ATP6V1B2: variants seen among roughly 807,000 people sequenced by gnomAD.
ATP6V1B2 encodes ATPase H+ transporting V1 subunit B2.
In ATP6V1B2, 23 loss-of-function variants were observed where a neutral mutation model predicts 66.7. The observed-to-expected ratio is 0.34, with a 90% CI of 0.25 to 0.49. The LOEUF (loss-of-function observed/expected upper bound fraction) is 0.49. ATP6V1B2 is among the 20% of genes least tolerant of loss of function. ATP6V1B2 has a pLI of 0.99. For missense variants in ATP6V1B2, 478 were observed against 650.8 expected, an observed-to-expected ratio of 0.73 and a Z score of 2.89; for synonymous variants, 278 against 236.7, an observed-to-expected ratio of 1.17 and a Z score of -1.60.
At chr8:20,214,037 T>A (rs1027832186) in intron 9 of ATP6V1B2, 1 of 152,230 alleles carries the variant, frequency 6.6e-6, no homozygotes. Flanking sequence ...TATCTTGCTT[T>A]CTGTGTGATC....
rs1479699892 is a variant in ATP6V1B2, at chr8:20,211,748, A to C, written c.700A>C (p.Met234Leu). The C allele has an allele frequency of 6.2e-7, 1 of 1,601,298 alleles. No individual in the cohort carries two copies. The highest frequency in any genetic ancestry group is 1.4e-5 in the African/African-American group (1 of 72,152). The change falls in exon 7 of 14, where the codon ATG becomes CTG. Residue 234 changes from methionine (M) to leucine (L), a missense_variant. Met to Leu is a conservative substitution (Grantham distance 15, BLOSUM62 2). Around this residue, in one of 2 missense-constraint regions of ATP6V1B2, gnomAD observed 326 missense variants for 545.6 expected, o/e 0.60. Transcript: ENST00000276390. ...EENFAIVFAA[M>L]GVNMETARFF... ...AAATTTTGCAATTGTATTTGCTGCT[A>C]TGGGTGTAAGTAGAATTTTTGTTTT... is the stretch of plus-strand genomic sequence containing the variant.
intron 11 of ATP6V1B2, 188 bp downstream of exon 11, chr8:20,216,683 A>C (rs968087931): frequency 7.0e-5 from 36 of 516,982 alleles, no homozygotes; most frequent in Middle Eastern, 3.4e-4. Context: ...AGAATTAAGA[A>C]TCTTCTTAAC....
At chr8:20,209,891 A>G (rs912977292) in intron 3 of ATP6V1B2, among the ~76,000 whole-genome samples, 2 of 152,042 alleles carry the variant, frequency 1.3e-5, no homozygotes, top group African/African-American at 2.4e-5. Context: ...ACTATGGGTA[A>G]TGGCAATTTT....
intron 2 of ATP6V1B2, among the ~76,000 whole-genome samples, chr8:20,204,950 G>T (rs1253418115): frequency 6.6e-6 from 1 of 152,102 alleles, no homozygotes; most frequent in African/African-American, 2.4e-5. Flanking sequence ...TGCCTCTTCT[G>T]CTTTATCACT....
chr8:20,218,008 T>C (rs1436026232), intron 12 of ATP6V1B2, 145 bp from the exon 13 acceptor site: 2 of 1,104,706 alleles, frequency 1.8e-6, no homozygotes, highest in Admixed American at 5.4e-5. Context: ...TTCTGGTACT[T>C]TCATATGAAT....
rs751381654 is a variant in ATP6V1B2, at chr8:20,212,099, T to G, written c.706-3T>G. 6.2e-7 allele frequency: 1 copy of G among 1,612,476 alleles called. No homozygotes were observed. The highest frequency in any genetic ancestry group is 1.1e-5 in the South Asian group (1 of 91,040). ...CAGCACTGATGAAGTTATTGTTATT[T>G]AGGTAAACATGGAAACTGCCCGGTT... On this transcript the variant is annotated splice_region_variant and splice_polypyrimidine_tract_variant and intron_variant, in intron 7 of 13. Transcript: ENST00000276390.
intron 2 of ATP6V1B2, among the ~76,000 whole-genome samples, chr8:20,207,334 CTG>C (rs1275878742): frequency 2.6e-5 from 4 of 152,160 alleles, no homozygotes; most frequent in African/African-American, 7.2e-5. Flanking sequence ...ATGGGGGACA[CTG>C]TGCTGCTCAG....
intron 7 of ATP6V1B2, 109 bp from the exon 8 acceptor site, chr8:20,211,993 C>A: frequency 9.3e-7 from 1 of 1,070,032 alleles, no homozygotes; most frequent in Non-Finnish European, 1.4e-6. Flanking sequence ...TTTTGGGGTA[C>A]TTGAGGTTTT....
At position 20,214,899 on chromosome 8, in the gene ATP6V1B2, C is replaced by T. The variant is rs961488730; in HGVS notation, c.1009C>T (p.Arg337Cys). 1.2e-6 allele frequency: 2 copies of T among 1,613,564 alleles called. No individual in the cohort carries two copies. Among genetic ancestry groups the T allele is most frequent in the East Asian group, 2.2e-5 (1 of 44,834 alleles). ...MYTDLATIYE[R>C]AGRVEGRNGS... ...TACAGATTTAGCCACGATATATGAA[C>T]GCGCTGGGCGAGTGGAAGGGAGAAA... The change falls in exon 10 of 14, where the codon CGC (arginine) becomes TGC (cysteine). Residue 337 changes from arginine (R) to cysteine (C), a missense_variant. By Grantham distance (180) the Arg-to-Cys change is radical. Transcript: ENST00000276390.
Position 20,217,028 on chromosome 8 carries a change from AATGCT to A in ATP6V1B2, c.1162-184_1162-180del, listed in dbSNP as rs1476216216. 7.1e-6 allele frequency: 4 copies of A among 564,090 alleles called. No homozygotes were observed. In the African/African-American group the frequency reaches 7.5e-5, roughly 11 times the overall value. 34.9% of individuals were successfully genotyped at this position (564,090 alleles called of 1,614,324 possible). A position where few individuals can be genotyped will look rare whatever the true frequency, so the allele number is the denominator to read the frequency against. Reference sequence around the variant, plus strand: ...TTTTTTGGATTTGATTCTCGAAAGAAATGCTATGCTATAAAGTGTTTCTTACTACC... The same window carrying A: ...TTTTTTGGATTTGATTCTCGAAAGAAATGCTATAAAGTGTTTCTTACTACC... On this transcript the variant is annotated intron_variant, in intron 11 of 13. Coordinates refer to ENST00000276390, the MANE Select transcript of ATP6V1B2 (RefSeq NM_001693.4).
At chr8:20,202,692 G>A (rs556509087) in intron 1 of ATP6V1B2, among the ~76,000 whole-genome samples, 2 of 152,296 alleles carry the variant, frequency 1.3e-5, no homozygotes, top group East Asian at 3.9e-4. Flanking sequence ...TTCTAAAGCA[G>A]TATTGTTGTA....
At chr8:20,199,066 TAATC>T (rs750723136) in intron 1 of ATP6V1B2, among the ~76,000 whole-genome samples, 24 of 152,344 alleles carry the variant, frequency 1.6e-4, no homozygotes, top group South Asian at 1.0e-3. Context: ...TCCATATAAT[TAATC>T]ATTCAGTGTC....
At position 20,212,901 on chromosome 8, in the gene ATP6V1B2, G is replaced by T; in HGVS notation, c.923G>T (p.Arg308Leu). ...TDMSSYAEALREVSAAREEVP... is the reference protein window; with the variant it reads ...TDMSSYAEALLEVSAAREEVP... ...ATGAGTTCTTATGCTGAAGCACTTC[G>T]AGAGGTAAGTTGTTCATGTTTTTCC... is the stretch of plus-strand genomic sequence containing the variant. The change falls in exon 9 of 14, where the codon CGA (arginine) becomes CTA (leucine). Residue 308 changes from arginine to leucine, a missense_variant. Physicochemically the swap from Arg to Leu is moderately radical, Grantham distance 102. Coordinates refer to ENST00000276390, the MANE Select transcript of ATP6V1B2 (RefSeq NM_001693.4). 1.2e-6 allele frequency: 2 copies of T among 1,613,330 alleles called. No individual in the cohort carries two copies. Among genetic ancestry groups the T allele is most frequent in the South Asian group, 2.2e-5 (2 of 90,972 alleles).
At chr8:20,218,456 T>A (rs1470353111) in intron 13 of ATP6V1B2, among the ~76,000 whole-genome samples, 174 bp downstream of exon 13, 1 of 152,156 alleles carries the variant, frequency 6.6e-6, no homozygotes, top group Non-Finnish European at 1.5e-5. Context: ...CTTCTAAACA[T>A]CTTGGGAGAT....
chr8:20,216,938 C>G, intron 11 of ATP6V1B2: 1 of 370,140 alleles, frequency 2.7e-6, no homozygotes, highest in East Asian at 4.8e-5. Context: ...TGTGGTAGTA[C>G]TTATCAAACA....
At chr8:20,203,521 A>C (rs1373082412) in intron 1 of ATP6V1B2, among the ~76,000 whole-genome samples, 2 of 152,244 alleles carry the variant, frequency 1.3e-5, no homozygotes, top group Non-Finnish European at 2.9e-5. Context: ...CAAGCAAGTG[A>C]AAAATTCCCA....
chr8:20,198,431 A>G (rs1244880636), intron 1 of ATP6V1B2, among the ~76,000 whole-genome samples: 2 of 152,226 alleles, frequency 1.3e-5, no homozygotes, highest in Non-Finnish European at 2.9e-5. Context: ...AAAGGCCTTA[A>G]TGAACTAGGT....
At chr8:20,219,706 C>A (rs554306533) in intron 13 of ATP6V1B2, among the ~76,000 whole-genome samples, 2 of 152,076 alleles carry the variant, frequency 1.3e-5, no homozygotes, top group Non-Finnish European at 2.9e-5. Context: ...GACCTCCAGC[C>A]TTGGACTCAA....
At chr8:20,202,226 C>T (rs2072695180) in intron 1 of ATP6V1B2, among the ~76,000 whole-genome samples, 1 of 152,166 alleles carries the variant, frequency 6.6e-6, no homozygotes. Flanking sequence ...TGAACCAGTT[C>T]AGTTTTAGAA....
Sources: gnomAD v4.1 joint callset for allele counts (sites outside exome capture counted in the v4.1 genomes callset) on GRCh38, gnomAD v4.1.1 for gene constraint, gnomAD v4.1.1 regional missense constraint, MANE v1.5 for transcripts, NCBI Gene and HGNC (gene_info 2026-07-23, HGNC 2026-07-21) for gene names.